The following CNTNAP5 variants were observed in gnomAD, a reference collection of about 807,000 sequenced individuals.
The protein encoded by CNTNAP5 is contactin-associated protein-like 5.
A neutral mutation model predicts 150.2 loss-of-function variants in CNTNAP5; 72 were observed. That is an observed-to-expected ratio of 0.48 (90% CI 0.40 to 0.58). The LOEUF is 0.58. Among genes scored for constraint, CNTNAP5 ranks in the 20% least tolerant of loss-of-function variants. CNTNAP5 has a pLI of 0.00. For missense variants in CNTNAP5, 1,636 were observed against 1,626.2 expected, an observed-to-expected ratio of 1.01 and a Z score of -0.10; for synonymous variants, 672 against 619.8, an observed-to-expected ratio of 1.08 and a Z score of -1.25.
chr2:124,279,459 A>G (rs1381378200), intron 3 of CNTNAP5, among the ~76,000 whole-genome samples: 1 of 151,952 alleles, frequency 6.6e-6, no homozygotes, highest in Non-Finnish European at 1.5e-5. Flanking sequence ...ATGATAGGTA[A>G]CATTCACTGA....
chr2:124,228,367 A>AAAC (rs1686521240), intron 2 of CNTNAP5, among the ~76,000 whole-genome samples: 1 of 152,164 alleles, frequency 6.6e-6, no homozygotes, highest in African/African-American at 2.4e-5. Context: ...TATTTTCCAT[A>AAAC]AACACCCTCA....
At chr2:124,068,204 A>G (rs1682212208) in intron 1 of CNTNAP5, among the ~76,000 whole-genome samples, 1 of 152,186 alleles carries the variant, frequency 6.6e-6, no homozygotes. Context: ...TAGGAGAGTC[A>G]GTCTTGAATC....
At chr2:124,708,007 G>A (rs1679728781) in intron 13 of CNTNAP5, among the ~76,000 whole-genome samples, 1 of 152,146 alleles carries the variant, frequency 6.6e-6, no homozygotes, top group African/African-American at 2.4e-5. Context: ...GAATTAATAT[G>A]TCAAGTAACT....
At chr2:124,497,574 A>G (rs978645850) in intron 7 of CNTNAP5, among the ~76,000 whole-genome samples, 3 of 152,252 alleles carry the variant, frequency 2.0e-5, no homozygotes, top group African/African-American at 7.2e-5. Flanking sequence ...ATGTTTAATC[A>G]TAAAGCCAGG....
chr2:124,112,376 T>A (rs1003533973), intron 1 of CNTNAP5, among the ~76,000 whole-genome samples: 5 of 152,008 alleles, frequency 3.3e-5, no homozygotes, highest in Admixed American at 3.3e-4. Context: ...ATATAAGAGA[T>A]GTTCTGGCCT....
chr2:124,634,491 CGT>C (rs370767526), intron 12 of CNTNAP5, among the ~76,000 whole-genome samples: 45 of 151,110 alleles, frequency 3.0e-4, no homozygotes, highest in South Asian at 1.9e-3. Context: ...CAGGCACACA[CGT>C]GTGTGTGTGT....
chr2:124,474,287 G>A (rs531519492), intron 6 of CNTNAP5, among the ~76,000 whole-genome samples: 74 of 152,044 alleles, frequency 4.9e-4, no homozygotes, highest in Non-Finnish European at 7.7e-4. Context: ...GACAATTGTG[G>A]ACAATCTTAT....
At chr2:124,363,526 T>C (rs1387539520) in intron 3 of CNTNAP5, among the ~76,000 whole-genome samples, 1 of 152,240 alleles carries the variant, frequency 6.6e-6, no homozygotes, top group East Asian at 1.9e-4. Flanking sequence ...TACTTTTTTC[T>C]CTTTTTCTCA....
chr2:124,256,076 T>C (rs958063325), intron 3 of CNTNAP5, among the ~76,000 whole-genome samples: 4 of 152,176 alleles, frequency 2.6e-5, no homozygotes, highest in Non-Finnish European at 5.9e-5. Flanking sequence ...TAAGGCTTGA[T>C]AGATATATTG....
At chr2:124,600,417 G>A (rs1696958535) in intron 11 of CNTNAP5, among the ~76,000 whole-genome samples, 3 of 152,010 alleles carry the variant, frequency 2.0e-5, no homozygotes. Flanking sequence ...AGCCCATCTG[G>A]CTGCCACACA....
chr2:124,357,789 G>T (rs1320829808), intron 3 of CNTNAP5, among the ~76,000 whole-genome samples: 1 of 146,172 alleles, frequency 6.8e-6, no homozygotes, highest in African/African-American at 2.5e-5. Context: ...TGGCGATGCG[G>T]GCTCTTTTTT....
intron 1 of CNTNAP5, among the ~76,000 whole-genome samples, chr2:124,148,200 A>T (rs919056190): frequency 5.3e-5 from 8 of 151,914 alleles, no homozygotes; most frequent in Admixed American, 5.3e-4. Context: ...ATGATTGAAA[A>T]TATTCTCACT....
chr2:124,325,502 T>A (rs1298897259), intron 3 of CNTNAP5, among the ~76,000 whole-genome samples: 4 of 152,200 alleles, frequency 2.6e-5, no homozygotes, highest in Non-Finnish European at 4.4e-5. Context: ...GATGTTTCTC[T>A]AATACAGAGT....
At chr2:124,190,714 T>C (rs1201671841) in intron 1 of CNTNAP5, among the ~76,000 whole-genome samples, 1 of 152,244 alleles carries the variant, frequency 6.6e-6, no homozygotes, top group Non-Finnish European at 1.5e-5. Context: ...GATGTCTATG[T>C]CATTGATAAG....
chr2:124,277,357 GAGTAATCTGC>G (rs1334812973), intron 3 of CNTNAP5, among the ~76,000 whole-genome samples: 6 of 152,118 alleles, frequency 3.9e-5, no homozygotes, highest in African/African-American at 1.4e-4. Context: ...CACTTGTCAT[GAGTAATCTGC>G]AGCCAAAGGA....
chr2:124,116,765 G>A (rs1306402971), intron 1 of CNTNAP5, among the ~76,000 whole-genome samples: 1 of 152,154 alleles, frequency 6.6e-6, no homozygotes, highest in Non-Finnish European at 1.5e-5. Context: ...TAAAGGAGTG[G>A]ACATCCTTCA....
At chr2:124,341,559 T>C (rs1460650377) in intron 3 of CNTNAP5, among the ~76,000 whole-genome samples, 8 of 152,118 alleles carry the variant, frequency 5.3e-5, no homozygotes, top group Admixed American at 5.2e-4. Flanking sequence ...AATTAAACAA[T>C]TGTGTCTTAT....
chr2:124,216,625 T>C (rs989287668), intron 1 of CNTNAP5, among the ~76,000 whole-genome samples: 1 of 152,084 alleles, frequency 6.6e-6, no homozygotes, highest in Non-Finnish European at 1.5e-5. Context: ...CACCTATGAG[T>C]GAGAACATGC....
At chr2:124,531,582 T>G (rs1453387160) in intron 10 of CNTNAP5, among the ~76,000 whole-genome samples, 1 of 152,092 alleles carries the variant, frequency 6.6e-6, no homozygotes, top group Non-Finnish European at 1.5e-5. Flanking sequence ...CTCTAGAAGC[T>G]CTAGGAGTCC....
Sources: allele counts gnomAD v4.1 joint callset (sites outside exome capture counted in the v4.1 genomes callset), GRCh38; gene constraint gnomAD v4.1.1; transcripts MANE v1.5; gene names NCBI Gene and HGNC (gene_info 2026-07-23, HGNC 2026-07-21).